SEMA6D: variants seen among roughly 807,000 people sequenced by gnomAD.
SEMA6D encodes semaphorin 6D.
Under a neutral mutation model 106.6 loss-of-function variants are expected in SEMA6D, and 35 were observed. The observed-to-expected ratio is 0.33, with a 90% CI of 0.25 to 0.44. The LOEUF is 0.44. Among genes scored for constraint, SEMA6D ranks in the 20% least tolerant of loss-of-function variants. SEMA6D has a pLI of 1.00. For missense variants in SEMA6D, 1,185 were observed against 1,345.9 expected, an observed-to-expected ratio of 0.88 and a Z score of 1.87; for synonymous variants, 499 against 487.7, an observed-to-expected ratio of 1.02 and a Z score of -0.31.
intron 1 of SEMA6D, among the ~76,000 whole-genome samples, chr15:47,277,131 GCTT>G (rs1277658509): frequency 6.6e-6 from 1 of 152,134 alleles, no homozygotes; most frequent in Non-Finnish European, 1.5e-5. Flanking sequence ...ATGAGGAGTT[GCTT>G]CTTATGGGTG....
intron 4 of SEMA6D, among the ~76,000 whole-genome samples, chr15:47,665,630 T>C (rs770969642): frequency 5.9e-5 from 9 of 152,056 alleles, no homozygotes; most frequent in Non-Finnish European, 8.8e-5. Flanking sequence ...GCCAACATGG[T>C]GAAATCCCGT....
chr15:47,509,569 A>T (rs1053678969), intron 3 of SEMA6D, among the ~76,000 whole-genome samples: 1 of 152,182 alleles, frequency 6.6e-6, no homozygotes, highest in African/African-American at 2.4e-5. Context: ...GAATTATGGT[A>T]TCCTTGTATC....
chr15:47,499,299 A>T (rs2043770662), intron 3 of SEMA6D, among the ~76,000 whole-genome samples: 2 of 152,066 alleles, frequency 1.3e-5, no homozygotes, highest in Non-Finnish European at 2.9e-5. Context: ...CCTGGCTTCT[A>T]CGCCCTTCCC....
At chr15:47,651,918 C>A (rs2144978043) in intron 4 of SEMA6D, among the ~76,000 whole-genome samples, 1 of 152,336 alleles carries the variant, frequency 6.6e-6, no homozygotes, top group Admixed American at 6.5e-5. Flanking sequence ...CCACATCTTT[C>A]CCCTGCCTGG....
At chr15:47,440,758 G>T (rs1016155296) in intron 2 of SEMA6D, among the ~76,000 whole-genome samples, 3 of 152,084 alleles carry the variant, frequency 2.0e-5, no homozygotes, top group African/African-American at 7.2e-5. Context: ...CAGCCAGGTT[G>T]CCTGGATGAA....
intron 1 of SEMA6D, among the ~76,000 whole-genome samples, chr15:47,374,101 A>G (rs1265855060): frequency 2.6e-5 from 4 of 152,230 alleles, no homozygotes; most frequent in Admixed American, 2.6e-4. Context: ...AAAGGATAAC[A>G]TTCGCTGGAG....
At chr15:47,381,578 T>C (rs1050747320) in intron 1 of SEMA6D, among the ~76,000 whole-genome samples, 1 of 152,136 alleles carries the variant, frequency 6.6e-6, no homozygotes, top group Non-Finnish European at 1.5e-5. Flanking sequence ...ACTTGAGGGC[T>C]TTCTTTAAAA....
In SEMA6D at chr15:47,185,852, A is replaced by G. The variant is rs533204652; in HGVS notation, c.-239+1434A>G. Reference sequence around the variant, plus strand: ...GTTCATGGTGCCTATTCCTTAGCCCACTACAAAGGAGGATGCATTTTGCTG... The same window carrying G: ...GTTCATGGTGCCTATTCCTTAGCCCGCTACAAAGGAGGATGCATTTTGCTG... On this transcript the variant is annotated intron_variant, in intron 1 of 19. Coordinates refer to the SEMA6D transcript ENST00000558014. The G allele has an allele frequency of 2.6e-5, 4 of 152,216 alleles. No individual in the cohort carries two copies. In the South Asian group the frequency reaches 8.3e-4, roughly 32 times the overall value. 9.4% of individuals were successfully genotyped at this position (152,216 alleles called of 1,614,324 possible). A position where few individuals can be genotyped will look rare whatever the true frequency, so the allele number is the denominator to read the frequency against.
intron 3 of SEMA6D, among the ~76,000 whole-genome samples, chr15:47,550,752 A>G (rs1408077561): frequency 6.6e-6 from 1 of 152,152 alleles, no homozygotes; most frequent in African/African-American, 2.4e-5. Flanking sequence ...ATAATTTTTC[A>G]AGAGGTACAT....
At chr15:47,614,457 A>T (rs2076970360) in intron 4 of SEMA6D, among the ~76,000 whole-genome samples, 1 of 152,142 alleles carries the variant, frequency 6.6e-6, no homozygotes, top group East Asian at 1.9e-4. Flanking sequence ...TGCAGTTCAA[A>T]TCCCTCTTTC....
intron 1 of SEMA6D, among the ~76,000 whole-genome samples, chr15:47,299,640 A>G (rs529641834): frequency 6.6e-6 from 1 of 152,246 alleles, no homozygotes; most frequent in African/African-American, 2.4e-5. Context: ...TGAGGCTGAC[A>G]TAAATCAGAA....
intron 3 of SEMA6D, among the ~76,000 whole-genome samples, chr15:47,589,489 C>T (rs2076400840): frequency 6.6e-6 from 1 of 152,230 alleles, no homozygotes; most frequent in African/African-American, 2.4e-5. Context: ...GTGGTCCTCT[C>T]CTTGGCCTGC....
chr15:47,703,644 A>G (rs1391900394), intron 4 of SEMA6D, among the ~76,000 whole-genome samples: 1 of 152,220 alleles, frequency 6.6e-6, no homozygotes, highest in Admixed American at 6.5e-5. Flanking sequence ...AAAGGAAAGT[A>G]GAAAATTAAT....
At chr15:47,446,123 A>C (rs1323522292) in intron 2 of SEMA6D, among the ~76,000 whole-genome samples, 1 of 152,148 alleles carries the variant, frequency 6.6e-6, no homozygotes, top group Non-Finnish European at 1.5e-5. Flanking sequence ...CATGCTGCCC[A>C]TCTGCCCTGG....
intron 1 of SEMA6D, among the ~76,000 whole-genome samples, chr15:47,280,326 T>G: frequency 6.6e-6 from 1 of 151,772 alleles, no homozygotes; most frequent in African/African-American, 2.4e-5. Flanking sequence ...GAGGTGTTTG[T>G]AGTATTCTCT....
chr15:47,682,252 C>T (rs918476395), intron 4 of SEMA6D, among the ~76,000 whole-genome samples: 2 of 151,746 alleles, frequency 1.3e-5, no homozygotes, highest in African/African-American at 4.8e-5. Flanking sequence ...ACTGCAAGCT[C>T]CGCCTCCCGG....
At chr15:47,404,034 T>C (rs1289840931) in intron 1 of SEMA6D, among the ~76,000 whole-genome samples, 1 of 152,190 alleles carries the variant, frequency 6.6e-6, no homozygotes, top group Non-Finnish European at 1.5e-5. Flanking sequence ...TCTAGAGAAG[T>C]AATTGTCAGC....
At chr15:47,507,532 G>A (rs571313673) in intron 3 of SEMA6D, among the ~76,000 whole-genome samples, 16 of 152,274 alleles carry the variant, frequency 1.1e-4, no homozygotes, top group East Asian at 3.9e-4. Context: ...GCATGCCTAC[G>A]GAGGAGTATT....
rs1444154433 is a variant in SEMA6D at position 47,471,172 on chromosome 15, G to A, written c.-87+627G>A. On this transcript the variant is annotated intron_variant, in intron 3 of 19. Transcript: ENST00000558014. The stretch of plus-strand genomic sequence containing the variant: ...GGGCCAGGGCAGTCGACAATTCTAC[G>A]CACACAGTGACACGGCATTGGGTGA... Among the ~76,000 whole-genome samples, 6 of 152,106 alleles carry A rather than the reference G, an allele frequency of 3.9e-5. 1 individual carries two copies. Among genetic ancestry groups the A allele is most frequent in the Admixed American group, 6.6e-5 (1 of 15,262 alleles).
Sources: allele counts gnomAD v4.1 joint callset (sites outside exome capture counted in the v4.1 genomes callset), GRCh38; gene constraint gnomAD v4.1.1; transcripts MANE v1.5; gene names NCBI Gene and HGNC (gene_info 2026-07-23, HGNC 2026-07-21).